The following QTRT1 variants were observed in gnomAD, a reference collection of about 807,000 sequenced individuals.
QTRT1 encodes the protein queuine tRNA-ribosyltransferase catalytic subunit 1, also known as TGT, 43-KD subunit.
Under a neutral mutation model 44.0 loss-of-function variants are expected in QTRT1, and 41 were observed. That is an observed-to-expected ratio of 0.93 (90% confidence interval 0.73 to 1.21). The LOEUF (loss-of-function observed/expected upper bound fraction) is 1.21. Ranked by LOEUF, QTRT1 falls within the 50% of genes most tolerant of loss-of-function variation. The pLI, the probability that QTRT1 is intolerant of heterozygous loss-of-function variation, is 0.00. For synonymous variants in QTRT1, 226 were observed against 237.1 expected, an observed-to-expected ratio of 0.95 and a Z score of 0.43; for missense variants, 542 against 575.8, an observed-to-expected ratio of 0.94 and a Z score of 0.60.
At chr19:10,705,538 C>G (rs1476866630) in intron 3 of QTRT1, among the ~76,000 whole-genome samples, 1 of 151,576 alleles carries the variant, frequency 6.6e-6, no homozygotes, top group Non-Finnish European at 1.5e-5. Flanking sequence ...CACGCCTGCC[C>G]CTTTTTTTCT....
rs1238027123 is a variant in QTRT1 at position 10,701,563 on chromosome 19, C to A, written c.103C>A (p.Leu35Met). The A allele has an allele frequency of 1.2e-6, 2 of 1,606,120 alleles. No individual in the cohort carries two copies. The highest frequency in any genetic ancestry group is 2.7e-5 in the African/African-American group (2 of 74,844). ...RSRARAGELW[L>M]PHGTVATPVF... The stretch of plus-strand genomic sequence containing the variant: ...CAGGGCCCGGGCAGGCGAGCTGTGG[C>A]TGCCGCATGGGACAGTGGCCACTCC... The change falls in exon 1 of 10, where the codon CTG becomes ATG. Residue 35 changes from leucine to methionine, a missense_variant. Coordinates refer to ENST00000250237, the MANE Select transcript of QTRT1 (RefSeq NM_031209.3).
intron 5 of QTRT1, among the ~76,000 whole-genome samples, chr19:10,708,751 T>C (rs1195934243): frequency 6.7e-6 from 1 of 149,238 alleles, no homozygotes. Flanking sequence ...ACGCCTGCAT[T>C]CCTTTTTTTT....
chr19:10,703,739 G>A (rs980109926), intron 3 of QTRT1, among the ~76,000 whole-genome samples: 1 of 151,634 alleles, frequency 6.6e-6, no homozygotes, highest in Non-Finnish European at 1.5e-5. Flanking sequence ...GGCTGGTTAC[G>A]AACTCCTGAC....
intron 5 of QTRT1, chr19:10,711,789 GT>G (rs1368934216): frequency 1.2e-5 from 4 of 327,886 alleles, no homozygotes; most frequent in African/African-American, 6.5e-5. Context: ...CATGTGGGAT[GT>G]TTACTGTTCT....
At chr19:10,705,806 G>T (rs965359526) in intron 3 of QTRT1, among the ~76,000 whole-genome samples, 1 of 149,546 alleles carries the variant, frequency 6.7e-6, no homozygotes, top group African/African-American at 2.5e-5. Context: ...AAAGTGCTGG[G>T]GTTACAGGCG....
chr19:10,713,334 C>T lies in QTRT1; in HGVS notation c.*64C>T, dbSNP rs2068748917. 8.9e-6 allele frequency: 14 copies of T among 1,564,762 alleles called. No individual in the cohort carries two copies. The highest frequency in any genetic ancestry group is 1.7e-5 in the Admixed American group (1 of 57,976). ...AGGGGCTGGAAGATACTGAAGGATT[C>T]CTTTTTGAAAGGTTTTTTTTATTGT... On this transcript the variant is annotated 3_prime_UTR_variant, in exon 10 of 10. Coordinates refer to ENST00000250237, the MANE Select transcript of QTRT1 (RefSeq NM_031209.3). This position sits in a 1 kb window ranked among gnomAD's most constrained non-coding sequence, Gnocchi z 4.3.
At position 10,707,547 on chromosome 19, in the gene QTRT1, A is replaced by C; in HGVS notation, c.578A>C (p.Asp193Ala). 1 of 1,613,022 alleles carries C rather than the reference A, an allele frequency of 6.2e-7. No homozygotes were observed. ...DRCIAAHQRP[D>A]KQNLFAIIQG... is the part of the protein sequence containing the mutation. ...TGCATTGCAGCCCATCAGCGGCCGG[A>C]CAAGCAGAACCTCTTCGCCATTATC... Residue 193 changes from aspartate (D) to alanine (A), a missense_variant, in exon 5 of 10, where the codon GAC becomes GCC. Physicochemically the swap from Asp to Ala is moderately radical, Grantham distance 126 (BLOSUM62 -2). Coordinates refer to ENST00000250237, the MANE Select transcript of QTRT1 (RefSeq NM_031209.3).
chr19:10,706,189 C>T (rs2068712897), intron 3 of QTRT1, among the ~76,000 whole-genome samples: 1 of 151,850 alleles, frequency 6.6e-6, no homozygotes, highest in African/African-American at 2.4e-5. Context: ...TTGTTTTCAT[C>T]TATTTATTTT....
At position 10,712,974 on chromosome 19, in the gene QTRT1, C is replaced by T. The variant is rs367752785; in HGVS notation, c.993C>T (p.His331=). 1.6e-4 allele frequency: 260 copies of T among 1,612,738 alleles called. No individual in the cohort carries two copies. The highest frequency in any genetic ancestry group is 2.1e-4 in the Non-Finnish European group (243 of 1,179,942). The change falls in exon 9 of 10, where the codon CAC becomes CAT. Residue 331 remains histidine, a synonymous_variant. Transcript: ENST00000250237. This position sits in a 1 kb window ranked among gnomAD's most constrained non-coding sequence, Gnocchi z 5.6. ...ACAGGCACAGCCGCGCCTTCCTGCA[C>T]GCACTGCTGCACAGTGACAACACGG... The part of the protein sequence containing the change: ...TCQKHSRAFL[H]ALLHSDNTAA...
intron 3 of QTRT1, among the ~76,000 whole-genome samples, chr19:10,704,869 G>T (rs1041233634): frequency 6.6e-6 from 1 of 151,606 alleles, no homozygotes; most frequent in Non-Finnish European, 1.5e-5. Flanking sequence ...TTACAGGTGT[G>T]AGCCACCATG....
At chr19:10,703,487 GA>G (rs2145618347) in intron 3 of QTRT1, among the ~76,000 whole-genome samples, 1 of 152,236 alleles carries the variant, frequency 6.6e-6, no homozygotes, top group South Asian at 2.1e-4. Flanking sequence ...ATTCATGGCT[GA>G]AGCCCCTATA....
Position 10,712,146 on chromosome 19 carries a change from A to ACCCT in QTRT1, c.647-14_647-11dup. 1 of 1,611,622 alleles carries ACCCT rather than the reference A, an allele frequency of 6.2e-7. No individual in the cohort carries two copies. Among genetic ancestry groups the ACCCT allele is most frequent in the East Asian group, 2.2e-5 (1 of 44,868 alleles). ...TTTCCTCTTCTGTGGCCCTCACCTT[A>ACCCT]CCCTGTACCCTCAGAGATGACCAAG... On this transcript the variant is annotated splice_polypyrimidine_tract_variant and intron_variant, in intron 5 of 9. Transcript: ENST00000250237. The surrounding 1 kb of genome is among the most constrained non-coding windows in gnomAD (Gnocchi z 5.6).
intron 5 of QTRT1, among the ~76,000 whole-genome samples, chr19:10,710,369 T>C (rs1599395970): frequency 6.6e-6 from 1 of 152,032 alleles, no homozygotes; most frequent in Non-Finnish European, 1.5e-5. Flanking sequence ...CAGGCTGGAG[T>C]GCAGTGGCAC....
intron 5 of QTRT1, among the ~76,000 whole-genome samples, 171 bp downstream of exon 5, chr19:10,707,786 C>G (rs898223122): frequency 9.9e-5 from 15 of 152,004 alleles, no homozygotes; most frequent in Non-Finnish European, 1.6e-4. Context: ...AGAGAATGGC[C>G]ATGATTCCAG....
rs1185157384 is a variant in QTRT1 at position 10,704,770 on chromosome 19, A to G, written c.451+2516A>G. ...GCCCGGCTAATTTTGTATTTTTGGTAGAGACGGGGTTTCTCCATGTTGGTC... is the reference window on the plus strand; with the variant it reads ...GCCCGGCTAATTTTGTATTTTTGGTGGAGACGGGGTTTCTCCATGTTGGTC... On this transcript the variant is annotated intron_variant, in intron 3 of 9. Transcript: ENST00000250237. 2.0e-5 allele frequency among the ~76,000 whole-genome samples: 3 copies of G among 151,604 alleles called. No individual in the cohort carries two copies. The East Asian group carries it at 5.8e-4, about 29-fold the overall frequency.
chr19:10,713,193 G>T lies in QTRT1; in HGVS notation c.1135G>T (p.Ala379Ser), dbSNP rs372871774. ...FPDFVRDFMG[A>S]MYGDPTLCPT... Reference sequence around the variant, plus strand: ...GGACTTCGTGCGGGACTTCATGGGCGCCATGTACGGGGATCCCACCCTCTG... The same window carrying T: ...GGACTTCGTGCGGGACTTCATGGGCTCCATGTACGGGGATCCCACCCTCTG... Residue 379 changes from alanine (A) to serine (S), a missense_variant, in exon 10 of 10, where the codon GCC (alanine) becomes TCC (serine). Transcript: ENST00000250237. The surrounding 1 kb of genome is among the most constrained non-coding windows in gnomAD (Gnocchi z 4.3). The T allele has an allele frequency of 1.6e-5, 26 of 1,609,200 alleles. No homozygotes were observed. Among genetic ancestry groups the T allele is most frequent in the Non-Finnish European group, 2.2e-5 (26 of 1,177,934 alleles).
At chr19:10,702,081 A>G in intron 2 of QTRT1, 35 bp from the exon 3 acceptor site, 1 of 1,613,140 alleles carries the variant, frequency 6.2e-7, no homozygotes, top group Non-Finnish European at 8.5e-7. Context: ...CCCCATCTCC[A>G]CCCCCTGACA....
rs999186368 is a variant in QTRT1 at position 10,713,208 on chromosome 19, C to T, written c.1150C>T (p.Pro384Ser). 1.2e-6 allele frequency: 2 copies of T among 1,608,126 alleles called. No homozygotes were observed. The highest frequency in any genetic ancestry group is 1.7e-4 in the Middle Eastern group (1 of 6,040). The part of the protein sequence containing the change: ...RDFMGAMYGD[P>S]TLCPTWATDA... ...CTTCATGGGCGCCATGTACGGGGATCCCACCCTCTGTCCCACCTGGGCCAC... is the reference window on the plus strand; with the variant it reads ...CTTCATGGGCGCCATGTACGGGGATTCCACCCTCTGTCCCACCTGGGCCAC... Residue 384 changes from proline to serine, a missense_variant, in exon 10 of 10, where the codon CCC (proline) becomes TCC (serine). By Grantham distance (74) the Pro-to-Ser change is moderately conservative (BLOSUM62 -1). Coordinates refer to ENST00000250237, the MANE Select transcript of QTRT1 (RefSeq NM_031209.3). The surrounding 1 kb of genome is among the most constrained non-coding windows in gnomAD (Gnocchi z 4.3).
intron 3 of QTRT1, among the ~76,000 whole-genome samples, chr19:10,703,119 A>G (rs11671350): frequency 0.031 from 4,084 of 130,964 alleles, 77 homozygotes; most frequent in Non-Finnish European, 0.045. Flanking sequence ...CTGGAGTGCA[A>G]TGGTGTGATA....
Sources: allele counts gnomAD v4.1 joint callset (sites outside exome capture counted in the v4.1 genomes callset), GRCh38; gene constraint gnomAD v4.1.1; non-coding constraint Gnocchi (gnomAD v3.1); transcripts MANE v1.5; gene names NCBI Gene and HGNC (gene_info 2026-07-23, HGNC 2026-07-21).